Variants in STAU2 observed in about 807,000 individuals in gnomAD.
STAU2 encodes the protein staufen double-stranded RNA binding protein 2, also known as double-stranded RNA-binding protein Staufen homolog 2.
In STAU2, 20 loss-of-function variants were observed where a neutral mutation model predicts 65.9. That is an observed-to-expected ratio of 0.30 (90% confidence interval 0.21 to 0.44). The LOEUF (loss-of-function observed/expected upper bound fraction) is 0.44, where lower values mean the gene tolerates loss of function less well. Among genes scored for constraint, STAU2 ranks in the 20% least tolerant of loss-of-function variants. The pLI is 1.00. For synonymous variants in STAU2, 232 were observed against 233.9 expected (o/e 0.99, Z 0.07); for missense variants, 558 against 683.9 (o/e 0.82, Z 2.05).
At chr8:73,467,142 C>T (rs753387009) in intron 13 of STAU2, among the ~76,000 whole-genome samples, 1 of 152,256 alleles carries the variant, frequency 6.6e-6, no homozygotes, top group Admixed American at 6.5e-5. Context: ...GGACTCAGGG[C>T]AGAAGTCTCA....
chr8:73,641,176 C>T (rs765027979), intron 6 of STAU2, among the ~76,000 whole-genome samples: 1 of 152,066 alleles, frequency 6.6e-6, no homozygotes, highest in Non-Finnish European at 1.5e-5. Context: ...GGTGAAACCT[C>T]GTCTCTACAA....
chr8:73,685,300 C>G (rs1818718986), intron 5 of STAU2, among the ~76,000 whole-genome samples: 1 of 152,036 alleles, frequency 6.6e-6, no homozygotes, highest in Non-Finnish European at 1.5e-5. Flanking sequence ...CCACCTTACT[C>G]CTGCAAGAAT....
chr8:73,557,368 C>T (rs1473516600), intron 12 of STAU2, among the ~76,000 whole-genome samples: 1 of 152,182 alleles, frequency 6.6e-6, no homozygotes, highest in Non-Finnish European at 1.5e-5. Flanking sequence ...TTAACTTGAA[C>T]ATCAGTAACA....
At chr8:73,730,765 T>C (rs997655902) in intron 3 of STAU2, among the ~76,000 whole-genome samples, 2 of 147,482 alleles carry the variant, frequency 1.4e-5, no homozygotes, top group African/African-American at 2.5e-5. Context: ...AAAAAAAGAA[T>C]ACATATTTTG....
intron 6 of STAU2, among the ~76,000 whole-genome samples, chr8:73,665,315 T>C (rs2130355133): frequency 6.6e-6 from 1 of 152,360 alleles, no homozygotes; most frequent in South Asian, 2.1e-4. Context: ...TTAAGAGTTC[T>C]GACACACATT....
chr8:73,571,949 A>G (rs968552087), intron 12 of STAU2, among the ~76,000 whole-genome samples: 1 of 152,196 alleles, frequency 6.6e-6, no homozygotes, highest in Non-Finnish European at 1.5e-5. Flanking sequence ...AAAAAAATCA[A>G]TGAATCCAGG....
intron 12 of STAU2, among the ~76,000 whole-genome samples, chr8:73,555,739 T>C (rs942827652): frequency 2.2e-4 from 33 of 152,388 alleles, no homozygotes; most frequent in Middle Eastern, 3.4e-3. Context: ...GCAAATATGA[T>C]GCCATTGCCA....
chr8:73,608,313 C>T (rs1210859253), intron 9 of STAU2, among the ~76,000 whole-genome samples: 2 of 152,124 alleles, frequency 1.3e-5, no homozygotes, highest in Non-Finnish European at 2.9e-5. Context: ...ACTTAAAAAA[C>T]ATTAGGTGAC....
intron 4 of STAU2, among the ~76,000 whole-genome samples, chr8:73,694,549 G>C (rs766882213): frequency 6.6e-6 from 1 of 152,184 alleles, no homozygotes; most frequent in African/African-American, 2.4e-5. Context: ...GAGCAAGATG[G>C]TGGAACAAAA....
intron 5 of STAU2, among the ~76,000 whole-genome samples, chr8:73,676,307 A>C (rs1443452944): frequency 6.6e-6 from 1 of 152,210 alleles, no homozygotes; most frequent in Non-Finnish European, 1.5e-5. Flanking sequence ...GCAGAGGGGA[A>C]TGGACTATCT....
At chr8:73,576,584 A>C (rs1337118854) in intron 12 of STAU2, among the ~76,000 whole-genome samples, 4 of 152,148 alleles carry the variant, frequency 2.6e-5, no homozygotes, top group African/African-American at 9.7e-5. Context: ...AGGTAAATAT[A>C]TTGGTAATGT....
intron 6 of STAU2, among the ~76,000 whole-genome samples, chr8:73,666,045 C>G (rs73330895): frequency 0.035 from 5,259 of 152,170 alleles, 262 homozygotes; most frequent in African/African-American, 0.11. Context: ...TGAATATTTT[C>G]AATCCACAAT....
chr8:73,600,325 A>T (rs1410990243), intron 10 of STAU2, among the ~76,000 whole-genome samples: 1 of 152,212 alleles, frequency 6.6e-6, no homozygotes, highest in African/African-American at 2.4e-5. Flanking sequence ...AAACCTGTGA[A>T]ATATTTTTTA....
intron 12 of STAU2, among the ~76,000 whole-genome samples, chr8:73,567,156 T>C (rs1019700832): frequency 1.3e-5 from 2 of 152,198 alleles, no homozygotes; most frequent in African/African-American, 4.8e-5. Context: ...TTCTTGCATT[T>C]GCTCAAATAC....
chr8:73,746,906 C>G, upstream of STAU2: 1 of 1,076,780 alleles, frequency 9.3e-7, no homozygotes. Context: ...CGCCCGCCTC[C>G]GCCCGCCTCC....
intron 13 of STAU2, among the ~76,000 whole-genome samples, chr8:73,465,417 T>C (rs1819598813): frequency 6.6e-6 from 1 of 152,254 alleles, no homozygotes; most frequent in South Asian, 2.1e-4. Context: ...CTAGAAAATA[T>C]GTTATACTCA....
In STAU2 at chr8:73,566,304, A is replaced by T. The variant is rs141958346; in HGVS notation, c.1223-13985T>A. 2.6e-3 allele frequency among the ~76,000 whole-genome samples: 402 copies of T among 152,338 alleles called. 4 individuals carry two copies. The highest frequency in any genetic ancestry group is 8.9e-3 in the African/African-American group (372 of 41,572). ...AAAGTTTTTTTAAATCTTAAGAAAAATCAAGTAATGTAGATGGCTGTGTCA... is the reference window on the plus strand; with the variant it reads ...AAAGTTTTTTTAAATCTTAAGAAAATTCAAGTAATGTAGATGGCTGTGTCA... On this transcript the variant is annotated intron_variant, in intron 12 of 14. Coordinates refer to ENST00000524300, the MANE Select transcript of STAU2 (RefSeq NM_001164380.2).
chr8:73,676,157 A>C (rs1033819293), intron 5 of STAU2, among the ~76,000 whole-genome samples: 1 of 152,190 alleles, frequency 6.6e-6, no homozygotes, highest in African/African-American at 2.4e-5. Context: ...AAATGAACTT[A>C]ACTCCTCATT....
At chr8:73,617,556 CTT>C in intron 6 of STAU2, 105 bp from the exon 7 acceptor site, 1 of 1,108,460 alleles carries the variant, frequency 9.0e-7, no homozygotes, top group Non-Finnish European at 1.3e-6. Flanking sequence ...GTGCTATACT[CTT>C]AATAAAACTT....
Sources: allele counts gnomAD v4.1 joint callset (sites outside exome capture counted in the v4.1 genomes callset), GRCh38; gene constraint gnomAD v4.1.1; transcripts MANE v1.5; gene names NCBI Gene and HGNC (gene_info 2026-07-23, HGNC 2026-07-21).